The following PTPN23 variants were observed in gnomAD, a reference collection of about 807,000 sequenced individuals.
PTPN23 encodes protein tyrosine phosphatase non-receptor type 23, also known as tyrosine-protein phosphatase non-receptor type 23.
Under a neutral mutation model 156.3 loss-of-function variants are expected in PTPN23, and 72 were observed. The ratio of observed to expected loss-of-function variants is 0.46; its 90% CI spans 0.38 to 0.56. The LOEUF is 0.56. Ranked by LOEUF, PTPN23 falls within the 20% of genes least tolerant of loss-of-function variation. The pLI, the probability that PTPN23 is intolerant of heterozygous loss-of-function variation, is 0.00. For synonymous variants in PTPN23, 957 were observed against 899.6 expected (o/e 1.06, Z -1.14); for missense variants, 1,974 against 2,171.5 (o/e 0.91, Z 1.81).
intron 1 of PTPN23, among the ~76,000 whole-genome samples, chr3:47,381,543 G>A (rs967209204): frequency 6.6e-6 from 1 of 152,120 alleles, no homozygotes; most frequent in Non-Finnish European, 1.5e-5. Context: ...GCGGTGGGCG[G>A]CCCTGACCGT....
At position 47,406,581 on chromosome 3, in the gene PTPN23, T is replaced by C. The variant is rs1270232853; in HGVS notation, c.728T>C (p.Met243Thr). 1 of 1,613,800 alleles carries C rather than the reference T, an allele frequency of 6.2e-7. No individual in the cohort carries two copies. The highest frequency in any genetic ancestry group is 1.3e-5 in the African/African-American group (1 of 74,962). ...IQKDWKKLVQMKIYYFAAVAH... is the reference protein window; with the variant it reads ...IQKDWKKLVQTKIYYFAAVAH... ...AAGGACTGGAAGAAACTTGTGCAGA[T>C]GAAGATCTACTACTTCGCAGCCGTG... Residue 243 changes from methionine to threonine, a missense_variant, in exon 8 of 25, where the codon ATG becomes ACG. By Grantham distance (81) the Met-to-Thr change is moderately conservative. Transcript: ENST00000265562. The surrounding 1 kb of genome is among the most constrained non-coding windows in gnomAD (Gnocchi z 5.8).
chr3:47,381,344 G>A (rs1359360388), intron 1 of PTPN23, among the ~76,000 whole-genome samples, 164 bp downstream of exon 1: 1 of 152,154 alleles, frequency 6.6e-6, no homozygotes, highest in Non-Finnish European at 1.5e-5. Context: ...CCACACCCCG[G>A]CGCCCGCAGG....
Position 47,413,302 on chromosome 3 carries a change from G to A in PTPN23, c.*117G>A. On this transcript the variant is annotated 3_prime_UTR_variant, in exon 25 of 25. Coordinates refer to ENST00000265562, the MANE Select transcript of PTPN23 (RefSeq NM_015466.4). ...TCTTACTCCCATTTCTGCTGCCTTT[G>A]GCCCTGCCTGGCCCAGCCTGCACCC... 1 of 1,388,890 alleles carries A rather than the reference G, an allele frequency of 7.2e-7. No homozygotes were observed. Among genetic ancestry groups the A allele is most frequent in the Non-Finnish European group, 9.8e-7 (1 of 1,018,288 alleles). 86.0% of individuals were successfully genotyped at this position (1,388,890 alleles called of 1,614,324 possible).
chr3:47,393,254 G>A (rs1704811577), intron 1 of PTPN23, among the ~76,000 whole-genome samples: 1 of 152,122 alleles, frequency 6.6e-6, no homozygotes, highest in South Asian at 2.1e-4. Flanking sequence ...CTGAGTTCAA[G>A]CGATTCTCCT....
intron 2 of PTPN23, among the ~76,000 whole-genome samples, chr3:47,400,724 C>T (rs572091138): frequency 6.6e-6 from 1 of 151,386 alleles, no homozygotes; most frequent in African/African-American, 2.4e-5. Flanking sequence ...CAGGCACTCG[C>T]CATCACGCCC....
rs1705102402 is a variant in PTPN23 at position 47,405,607 on chromosome 3, A to T, written c.365-142A>T. On this transcript the variant is annotated intron_variant, in intron 4 of 24. Transcript: ENST00000265562. This position sits in a 1 kb window ranked among gnomAD's most constrained non-coding sequence, Gnocchi z 4.7. ...ACTTCTGAGTTTCCCTGTTCCCTCC[A>T]GCTTGGGTGTCCTTGGACTCGTTGC... The T allele has an allele frequency of 2.5e-6, 2 of 806,908 alleles. No homozygotes were observed. Among genetic ancestry groups the T allele is most frequent in the Admixed American group, 2.4e-5 (1 of 41,128 alleles). The allele number at this position is 806,908 out of a possible 1,614,324, so 50.0% of individuals were successfully genotyped here.
In PTPN23 at chr3:47,406,593, A is replaced by G; in HGVS notation, c.740A>G (p.Tyr247Cys). 1.2e-6 allele frequency: 2 copies of G among 1,613,706 alleles called. No individual in the cohort carries two copies. The highest frequency in any genetic ancestry group is 1.7e-6 in the Non-Finnish European group (2 of 1,179,942). ...WKKLVQMKIY[Y>C]FAAVAHLHMG... ...AAACTTGTGCAGATGAAGATCTACT[A>G]CTTCGCAGCCGTGGCTCATGTGAGG... The change falls in exon 8 of 25, where the codon TAC becomes TGC. Residue 247 changes from tyrosine (Y) to cysteine (C), a missense_variant. Physicochemically the swap from Tyr to Cys is radical, Grantham distance 194. This residue lies in a region of PTPN23 where 726 missense variants were observed against 929.5 expected (regional missense o/e 0.78). Coordinates refer to ENST00000265562, the MANE Select transcript of PTPN23 (RefSeq NM_015466.4). The surrounding 1 kb of genome is among the most constrained non-coding windows in gnomAD (Gnocchi z 5.8).
At chr3:47,400,886 T>A (rs1345022030) in intron 2 of PTPN23, among the ~76,000 whole-genome samples, 2 of 151,804 alleles carry the variant, frequency 1.3e-5, no homozygotes, top group Non-Finnish European at 2.9e-5. Context: ...TATTTTATTT[T>A]ATTTTATTTA....
intron 1 of PTPN23, among the ~76,000 whole-genome samples, chr3:47,394,425 T>C (rs569769185): frequency 6.6e-6 from 1 of 152,334 alleles, no homozygotes; most frequent in East Asian, 1.9e-4. Flanking sequence ...CATTGATACC[T>C]GAGAGCAGCA....
intron 1 of PTPN23, among the ~76,000 whole-genome samples, chr3:47,394,508 G>C (rs1415386852): frequency 3.9e-5 from 6 of 152,040 alleles, no homozygotes; most frequent in Non-Finnish European, 7.4e-5. Context: ...TGGGGAGCAG[G>C]TTGTTTATTT....
chr3:47,409,717 A>C lies in PTPN23; in HGVS notation c.2012A>C (p.Lys671Thr). ...SYEAYEDLMK[K>T]SQEGRDFYAD... is the part of the protein sequence containing the mutation. ...GAAGCCTATGAGGACCTGATGAAGAAGTCGCAGGAGGGCAGGGACTTCTAC... is the reference window on the plus strand; with the variant it reads ...GAAGCCTATGAGGACCTGATGAAGACGTCGCAGGAGGGCAGGGACTTCTAC... Residue 671 changes from lysine to threonine, a missense_variant, in exon 19 of 25, where the codon AAG becomes ACG. Around this residue, in one of 4 missense-constraint regions of PTPN23, gnomAD observed 726 missense variants for 929.5 expected, o/e 0.78. Coordinates refer to ENST00000265562, the MANE Select transcript of PTPN23 (RefSeq NM_015466.4). 1 of 1,608,038 alleles carries C rather than the reference A, an allele frequency of 6.2e-7. No individual in the cohort carries two copies. The highest frequency in any genetic ancestry group is 1.7e-4 in the Middle Eastern group (1 of 6,058).
rs1412822521 is a variant in PTPN23, at chr3:47,405,818, T to G, written c.414+20T>G. ...GAGGAGGTGAGGAGAGGGGCAGTAGTGGAACATGTGGACATACCAGGGAGG... is the reference window on the plus strand; with the variant it reads ...GAGGAGGTGAGGAGAGGGGCAGTAGGGGAACATGTGGACATACCAGGGAGG... On this transcript the variant is annotated intron_variant, in intron 5 of 24. Transcript: ENST00000265562. The surrounding 1 kb of genome is among the most constrained non-coding windows in gnomAD (Gnocchi z 4.7). The G allele has an allele frequency of 6.3e-7, 1 of 1,588,004 alleles. No individual in the cohort carries two copies. Among genetic ancestry groups the G allele is most frequent in the Non-Finnish European group, 8.6e-7 (1 of 1,166,396 alleles).
Position 47,407,897 on chromosome 3 carries a change from A to G in PTPN23, c.1126A>G (p.Lys376Glu). 1 of 1,614,118 alleles carries G rather than the reference A, an allele frequency of 6.2e-7. No individual in the cohort carries two copies. The highest frequency in any genetic ancestry group is 8.5e-7 in the Non-Finnish European group (1 of 1,180,022). ...HEASSLYSEE[K>E]AKLLREMMAK... ...GCTCTGTCGCTTCTGCAGTGAGGAG[A>G]AGGCCAAGCTGCTCCGGGAGATGAT... The change falls in exon 14 of 25, where the codon AAG becomes GAG. Residue 376 changes from lysine (K) to glutamate (E), a missense_variant. Coordinates refer to ENST00000265562, the MANE Select transcript of PTPN23 (RefSeq NM_015466.4). The surrounding 1 kb of genome is among the most constrained non-coding windows in gnomAD (Gnocchi z 4.0).
At position 47,411,121 on chromosome 3, in the gene PTPN23, C is replaced by G. The variant is rs770571270; in HGVS notation, c.3323C>G (p.Pro1108Arg). ...CGCCCCCCAGCAGCAGAACCACCCC[C>G]TTGCCTGCGCCGAGGCGCCGCAGCT... ...PPRPPAAEPP[P>R]CLRRGAAAAD... is the part of the protein sequence containing the mutation. The change falls in exon 20 of 25, where the codon CCT becomes CGT. Residue 1108 changes from proline (P) to arginine (R), a missense_variant. Pro to Arg is a moderately radical substitution (Grantham distance 103). Coordinates refer to ENST00000265562, the MANE Select transcript of PTPN23 (RefSeq NM_015466.4). This position sits in a 1 kb window ranked among gnomAD's most constrained non-coding sequence, Gnocchi z 6.3. 4.9e-5 allele frequency: 78 copies of G among 1,602,638 alleles called. No individual in the cohort carries two copies. Among genetic ancestry groups the G allele is most frequent in the Non-Finnish European group, 6.4e-5 (75 of 1,175,952 alleles).
chr3:47,393,842 T>C (rs1704824188), intron 1 of PTPN23, among the ~76,000 whole-genome samples: 1 of 151,826 alleles, frequency 6.6e-6, no homozygotes, highest in African/African-American at 2.4e-5. Flanking sequence ...CCTCCCAGGC[T>C]GATTCTCCCA....
Position 47,381,198 on chromosome 3 carries a change from C to A in PTPN23, c.84+18C>A, listed in dbSNP as rs879446639. The A allele has an allele frequency of 6.4e-6, 10 of 1,568,238 alleles. No individual in the cohort carries two copies. Among genetic ancestry groups the A allele is most frequent in the Non-Finnish European group, 8.6e-6 (10 of 1,157,076 alleles). ...TGAAGAAGGTGAGCTTGCCTTCCAT[C>A]TTCCCCCCTATCCGCCGCGTATCTC... On this transcript the variant is annotated intron_variant, in intron 1 of 24. Transcript: ENST00000265562.
chr3:47,413,238 C>T lies in PTPN23; in HGVS notation c.*53C>T. ...CTACATCATCATCATCTCATGCCCACCTGCCCACACCCAGCAGAGCTTCTC... is the reference window on the plus strand; with the variant it reads ...CTACATCATCATCATCTCATGCCCATCTGCCCACACCCAGCAGAGCTTCTC... On this transcript the variant is annotated 3_prime_UTR_variant, in exon 25 of 25. Coordinates refer to ENST00000265562, the MANE Select transcript of PTPN23 (RefSeq NM_015466.4). 2 of 1,554,416 alleles carry T rather than the reference C, an allele frequency of 1.3e-6. No individual in the cohort carries two copies. The highest frequency in any genetic ancestry group is 1.7e-6 in the Non-Finnish European group (2 of 1,146,518).
Position 47,407,109 on chromosome 3 carries a change from C to T in PTPN23, c.808-21C>T. On this transcript the variant is annotated intron_variant, in intron 9 of 24. Transcript: ENST00000265562. This position sits in a 1 kb window ranked among gnomAD's most constrained non-coding sequence, Gnocchi z 4.0. ...TCCAAGCAGAGGAGGACAGAGCAGG[C>T]TTTCCTGCCACCCTCCACAGGTTGC... 6.2e-7 allele frequency: 1 copy of T among 1,613,842 alleles called. No individual in the cohort carries two copies. Among genetic ancestry groups the T allele is most frequent in the Non-Finnish European group, 8.5e-7 (1 of 1,179,852 alleles).
Position 47,406,398 on chromosome 3 carries a change from G to A in PTPN23, c.620G>A (p.Ser207Asn), listed in dbSNP as rs1380008204. The change falls in exon 7 of 25, where the codon AGT becomes AAT. Residue 207 changes from serine (S) to asparagine (N), a missense_variant. By Grantham distance (46) the Ser-to-Asn change is conservative. Around this residue, in one of 4 missense-constraint regions of PTPN23, gnomAD observed 726 missense variants for 929.5 expected, o/e 0.78. Coordinates refer to ENST00000265562, the MANE Select transcript of PTPN23 (RefSeq NM_015466.4). The surrounding 1 kb of genome is among the most constrained non-coding windows in gnomAD (Gnocchi z 5.8). ...AAGAGCTTTCTGGTGGCCCGCATCAGTGCACAGGTAGGGACGGGGCTGAGG... is the reference window on the plus strand; with the variant it reads ...AAGAGCTTTCTGGTGGCCCGCATCAATGCACAGGTAGGGACGGGGCTGAGG... ...NRKSFLVARI[S>N]AQVVDYYKEA... 6.2e-7 allele frequency: 1 copy of A among 1,613,994 alleles called. No homozygotes were observed. The highest frequency in any genetic ancestry group is 1.1e-5 in the South Asian group (1 of 91,088).
Sources: allele counts gnomAD v4.1 joint callset (sites outside exome capture counted in the v4.1 genomes callset), GRCh38; gene constraint gnomAD v4.1.1; regional missense constraint gnomAD v4.1.1; non-coding constraint Gnocchi (gnomAD v3.1); transcripts MANE v1.5; gene names NCBI Gene and HGNC (gene_info 2026-07-23, HGNC 2026-07-21).